The following CDYL variants were observed in gnomAD, a reference collection of about 807,000 sequenced individuals.
The protein encoded by CDYL is chromodomain Y-like protein.
CDYL carries 8 observed loss-of-function variants against 47.3 expected under a neutral mutation model. The observed-to-expected ratio is 0.17, with a 90% CI of 0.10 to 0.31. The LOEUF (loss-of-function observed/expected upper bound fraction) is 0.31. CDYL is among the 10% of genes least tolerant of loss of function. The probability of loss-of-function intolerance (pLI) is 1.00; values close to 1 mark genes in which losing one functional copy is unlikely to be tolerated. For missense variants in CDYL, 471 were observed against 701.4 expected, an observed-to-expected ratio of 0.67 and a Z score of 3.71; for synonymous variants, 266 against 265.0, an observed-to-expected ratio of 1.00 and a Z score of -0.04.
intron 1 of CDYL, among the ~76,000 whole-genome samples, chr6:4,783,668 C>T (rs1261601290): frequency 2.0e-5 from 3 of 152,154 alleles, no homozygotes; most frequent in African/African-American, 4.8e-5. Context: ...CCACCCGCCT[C>T]AGCCTCCCAG....
chr6:4,807,173 C>T (rs60161880), intron 1 of CDYL, among the ~76,000 whole-genome samples: 5,189 of 152,224 alleles, frequency 0.034, 301 homozygotes, highest in African/African-American at 0.12. Context: ...CAAATGTGGT[C>T]ACATTCTGAG....
intron 1 of CDYL, among the ~76,000 whole-genome samples, chr6:4,889,005 G>T (rs1342059849): frequency 6.6e-6 from 1 of 152,196 alleles, no homozygotes; most frequent in Non-Finnish European, 1.5e-5. Flanking sequence ...CATATGGTCT[G>T]TGCTGGCGAG....
At chr6:4,841,940 G>GT (rs1396182977) in intron 1 of CDYL, among the ~76,000 whole-genome samples, 2 of 146,502 alleles carry the variant, frequency 1.4e-5, no homozygotes, top group African/African-American at 5.0e-5. Flanking sequence ...TAAGTCCATT[G>GT]TTTCTTTGTT....
rs12661419 is a variant in CDYL, at chr6:4,780,299, G to A, written c.24+3492G>A. ...GGCTGATGTGCAGTGGCTTCATGTT[G>A]TCAGCTCACTACAACCTCTGCCTCC... On this transcript the variant is annotated intron_variant, in intron 1 of 6. Coordinates refer to ENST00000397588, the MANE Select transcript of CDYL (RefSeq NM_004824.4). 7.3e-3 allele frequency among the ~76,000 whole-genome samples: 1,016 copies of A among 139,630 alleles called. 32 individuals are homozygous for A. The East Asian group carries it at 0.077, about 11-fold the overall frequency. The allele number at this position is 139,630 out of a possible 152,430, so 91.6% of individuals were successfully genotyped here. A position where few individuals can be genotyped will look rare whatever the true frequency, so the allele number is the denominator to read the frequency against.
chr6:4,938,488 T>G (rs1429203774), intron 4 of CDYL, among the ~76,000 whole-genome samples: 1 of 152,224 alleles, frequency 6.6e-6, no homozygotes, highest in Non-Finnish European at 1.5e-5. Flanking sequence ...ATACTTATAG[T>G]GTACAACATG....
chr6:4,708,172 A>G (rs1434662118), intron 1 of CDYL, among the ~76,000 whole-genome samples: 3 of 127,944 alleles, frequency 2.3e-5, no homozygotes, highest in African/African-American at 4.7e-5. Flanking sequence ...ACACACACAC[A>G]CACACATATA....
chr6:4,715,329 T>G (rs1454760876), intron 1 of CDYL, among the ~76,000 whole-genome samples: 2 of 152,252 alleles, frequency 1.3e-5, no homozygotes, highest in Admixed American at 1.3e-4. Context: ...CTAGAAAAGC[T>G]GAAAAAAGGA....
intron 3 of CDYL, among the ~76,000 whole-genome samples, chr6:4,740,518 A>G (rs192150708): frequency 2.3e-4 from 35 of 152,336 alleles, no homozygotes; most frequent in African/African-American, 7.7e-4. Context: ...GAGAAACCCA[A>G]TGTAAGCTCA....
chr6:4,947,416 G>A (rs1758556342), intron 5 of CDYL, among the ~76,000 whole-genome samples: 1 of 152,286 alleles, frequency 6.6e-6, no homozygotes, highest in Middle Eastern at 3.4e-3. Context: ...GATTAACCTG[G>A]GTGGAGCTTG....
chr6:4,864,284 A>T (rs1761257984), intron 1 of CDYL, among the ~76,000 whole-genome samples: 1 of 152,250 alleles, frequency 6.6e-6, no homozygotes, highest in Admixed American at 6.5e-5. Context: ...TCAGAAAGGC[A>T]TAAGATGATT....
intron 2 of CDYL, among the ~76,000 whole-genome samples, chr6:4,912,207 T>C (rs10080391): frequency 0.08 from 11,871 of 147,612 alleles, 755 homozygotes; most frequent in African/African-American, 0.18. Flanking sequence ...AGATACGTGG[T>C]CCTTTCACCT....
At chr6:4,900,099 C>T (rs980202668) in intron 2 of CDYL, among the ~76,000 whole-genome samples, 1 of 152,162 alleles carries the variant, frequency 6.6e-6, no homozygotes, top group Non-Finnish European at 1.5e-5. Context: ...ACTGTTACCT[C>T]CCCCTCTGAA....
At chr6:4,852,352 A>AATCTTCCTTCCTTCCT (rs1251062246) in intron 1 of CDYL, among the ~76,000 whole-genome samples, 1 of 125,662 alleles carries the variant, frequency 8.0e-6, no homozygotes, top group African/African-American at 3.2e-5. Flanking sequence ...CCTTCCTTCC[A>AATCTTCCTTCCTTCCT]ATCTTCCTTC....
chr6:4,747,326 A>G (rs1025783747), intron 3 of CDYL, among the ~76,000 whole-genome samples: 3 of 146,190 alleles, frequency 2.1e-5, no homozygotes, highest in Non-Finnish European at 4.5e-5. Context: ...AAAAAAAATC[A>G]TGGGCATTAA....
chr6:4,706,238 G>C (rs893318044), exon 1 of CDYL: 1 of 152,122 alleles, frequency 6.6e-6, no homozygotes, highest in Non-Finnish European at 1.5e-5. Flanking sequence ...GACTCATCTC[G>C]GGGAACTAAG....
intron 1 of CDYL, among the ~76,000 whole-genome samples, chr6:4,882,424 T>C (rs1339702300): frequency 6.6e-6 from 1 of 152,214 alleles, no homozygotes; most frequent in Non-Finnish European, 1.5e-5. Context: ...AACAATGCCC[T>C]GGTTATTGCT....
At chr6:4,934,301 G>A (rs1178994424) in intron 2 of CDYL, among the ~76,000 whole-genome samples, 1 of 151,944 alleles carries the variant, frequency 6.6e-6, no homozygotes, top group African/African-American at 2.4e-5. Flanking sequence ...TGAACCATAT[G>A]TATGTATTAT....
At chr6:4,721,023 T>G (rs1321492727) in intron 2 of CDYL, among the ~76,000 whole-genome samples, 3 of 152,238 alleles carry the variant, frequency 2.0e-5, no homozygotes, top group Non-Finnish European at 4.4e-5. Flanking sequence ...CCAATTGATT[T>G]GCCTCTGCCC....
intron 1 of CDYL, among the ~76,000 whole-genome samples, chr6:4,793,199 T>C (rs1458262220): frequency 6.6e-6 from 1 of 152,192 alleles, no homozygotes; most frequent in African/African-American, 2.4e-5. Flanking sequence ...CCTGTTGAAC[T>C]GGGGTTGGTA....
Sources: gnomAD v4.1 joint callset for allele counts (sites outside exome capture counted in the v4.1 genomes callset) on GRCh38, gnomAD v4.1.1 for gene constraint, MANE v1.5 for transcripts, NCBI Gene and HGNC (gene_info 2026-07-23, HGNC 2026-07-21) for gene names.